SLC9C2: variants seen among roughly 807,000 people sequenced by gnomAD.
SLC9C2 encodes sodium/hydrogen exchanger 11.
SLC9C2 carries 75 observed loss-of-function variants against 140.2 expected under a neutral mutation model. The ratio of observed to expected loss-of-function variants is 0.53; its 90% CI spans 0.44 to 0.65. SLC9C2 has a LOEUF of 0.65. Ranked by LOEUF, SLC9C2 falls within the 30% of genes least tolerant of loss-of-function variation. The pLI is 0.00. For synonymous variants in SLC9C2, 375 were observed against 420.9 expected (o/e 0.89, Z 1.34); for missense variants, 1,074 against 1,331.8 (o/e 0.81, Z 3.01).
intron 22 of SLC9C2, 38 bp downstream of exon 22, chr1:173,521,263 T>C: frequency 9.0e-7 from 1 of 1,117,126 alleles, no homozygotes; most frequent in South Asian, 1.5e-5. Context: ...AAAATACATT[T>C]TAAGTAAAAA....
At chr1:173,553,224 A>G (rs1558060075) in intron 11 of SLC9C2, among the ~76,000 whole-genome samples, 1 of 152,210 alleles carries the variant, frequency 6.6e-6, no homozygotes, top group Non-Finnish European at 1.5e-5. Context: ...GAGTAAACGA[A>G]GTGCTTTCTT....
At chr1:173,580,768 C>T (rs1002359270) in intron 7 of SLC9C2, among the ~76,000 whole-genome samples, 2 of 152,036 alleles carry the variant, frequency 1.3e-5, no homozygotes, top group Non-Finnish European at 2.9e-5. Flanking sequence ...CTGCCTAACT[C>T]CAAAGCTCTT....
intron 23 of SLC9C2, among the ~76,000 whole-genome samples, chr1:173,512,370 C>T (rs1660115573): frequency 6.6e-6 from 1 of 152,110 alleles, no homozygotes; most frequent in Admixed American, 6.5e-5. Context: ...TCCTTCACAT[C>T]CCTTGTTAGC....
chr1:173,583,660 C>A, intron 5 of SLC9C2, 38 bp from the exon 6 acceptor site: 2 of 1,039,310 alleles, frequency 1.9e-6, no homozygotes, highest in Non-Finnish European at 1.4e-6. Flanking sequence ...CAATATGCTA[C>A]ATGAAAATAA....
chr1:173,515,362 A>G (rs983783507), intron 23 of SLC9C2, among the ~76,000 whole-genome samples: 2 of 151,860 alleles, frequency 1.3e-5, no homozygotes, highest in African/African-American at 4.8e-5. Flanking sequence ...GTTCCTTTTC[A>G]TTCTTTTTTT....
intron 19 of SLC9C2, 78 bp downstream of exon 19, chr1:173,526,585 G>T: frequency 8.0e-7 from 1 of 1,246,602 alleles, no homozygotes; most frequent in Non-Finnish European, 1.1e-6. Flanking sequence ...GTAAATGAAA[G>T]CATGAATTGT....
chr1:173,551,305 G>A (rs1019747496), intron 11 of SLC9C2, among the ~76,000 whole-genome samples: 11 of 152,120 alleles, frequency 7.2e-5, no homozygotes, highest in African/African-American at 2.4e-4. Flanking sequence ...TGTGATAATG[G>A]TCACAAAAAT....
At chr1:173,544,404 T>C (rs1558050627) in intron 13 of SLC9C2, among the ~76,000 whole-genome samples, 1 of 152,158 alleles carries the variant, frequency 6.6e-6, no homozygotes, top group African/African-American at 2.4e-5. Flanking sequence ...TCTTACACTG[T>C]TGGTGGGAGT....
chr1:173,594,796 G>GT (rs1666353009), intron 4 of SLC9C2, among the ~76,000 whole-genome samples: 1 of 152,134 alleles, frequency 6.6e-6, no homozygotes, highest in Non-Finnish European at 1.5e-5. Flanking sequence ...TTTTTAAAAC[G>GT]TATGAAACCA....
chr1:173,568,177 A>C (rs191115312), intron 9 of SLC9C2, among the ~76,000 whole-genome samples: 1 of 152,298 alleles, frequency 6.6e-6, no homozygotes, highest in Admixed American at 6.5e-5. Context: ...GGTTTGTTAC[A>C]TAGGTAAACA....
intron 9 of SLC9C2, among the ~76,000 whole-genome samples, chr1:173,565,433 C>G (rs923865378): frequency 2.0e-5 from 3 of 152,114 alleles, no homozygotes; most frequent in African/African-American, 7.2e-5. Context: ...TATGGATATC[C>G]AGTTTTCCCA....
At chr1:173,574,806 G>T (rs758147881) in intron 8 of SLC9C2, among the ~76,000 whole-genome samples, 12 of 151,932 alleles carry the variant, frequency 7.9e-5, no homozygotes, top group Non-Finnish European at 1.6e-4. Context: ...CACCGCACCC[G>T]GCCTGAGTTA....
intron 9 of SLC9C2, among the ~76,000 whole-genome samples, chr1:173,569,715 CAA>C (rs1664721602): frequency 1.3e-5 from 2 of 151,958 alleles, no homozygotes; most frequent in Non-Finnish European, 2.9e-5. Flanking sequence ...TCTTCTCAAG[CAA>C]TTCAGGAGAA....
chr1:173,577,659 G>T (rs1206777359), intron 7 of SLC9C2, among the ~76,000 whole-genome samples: 1 of 152,114 alleles, frequency 6.6e-6, no homozygotes, highest in Admixed American at 6.5e-5. Context: ...TAAAATAGGT[G>T]TAAAATAGTT....
At chr1:173,504,471 A>T (rs1384689215) in intron 26 of SLC9C2, among the ~76,000 whole-genome samples, 3 of 152,154 alleles carry the variant, frequency 2.0e-5, no homozygotes, top group African/African-American at 4.8e-5. Context: ...AAATCGTGCA[A>T]ATCCTCCCCC....
intron 7 of SLC9C2, among the ~76,000 whole-genome samples, chr1:173,578,734 G>A (rs890242021): frequency 6.6e-6 from 1 of 152,134 alleles, no homozygotes; most frequent in African/African-American, 2.4e-5. Context: ...GCATTCCTTG[G>A]CTTATAGCTG....
chr1:173,576,798 G>A (rs1011466500), intron 7 of SLC9C2, 38 bp from the exon 8 acceptor site: 2 of 1,264,354 alleles, frequency 1.6e-6, no homozygotes, highest in African/African-American at 3.0e-5. Flanking sequence ...CAAATGCAAT[G>A]TATTCATATC....
chr1:173,528,189 A>G (rs1661342356), intron 18 of SLC9C2, among the ~76,000 whole-genome samples: 1 of 152,208 alleles, frequency 6.6e-6, no homozygotes, highest in Non-Finnish European at 1.5e-5. Context: ...GAGCTGCCAC[A>G]GGCCAATTTC....
chr1:173,506,597 C>G (rs550327744), intron 25 of SLC9C2, among the ~76,000 whole-genome samples: 8 of 152,346 alleles, frequency 5.3e-5, no homozygotes, highest in Non-Finnish European at 8.8e-5. Flanking sequence ...TTTGGCACAG[C>G]CCCACGCCAG....
Sources: gnomAD v4.1 joint callset for allele counts (sites outside exome capture counted in the v4.1 genomes callset) on GRCh38, gnomAD v4.1.1 for gene constraint, MANE v1.5 for transcripts, NCBI Gene and HGNC (gene_info 2026-07-23, HGNC 2026-07-21) for gene names.